Variants in CSMD1 observed in about 807,000 individuals in gnomAD.
CSMD1 encodes the protein CUB and sushi domain-containing protein 1.
In CSMD1, 213 loss-of-function variants were observed where a neutral mutation model predicts 417.5. The observed-to-expected ratio is 0.51, with a 90% CI of 0.46 to 0.57. The LOEUF is 0.57. Among genes scored for constraint, CSMD1 ranks in the 20% least tolerant of loss-of-function variants. CSMD1 has a pLI of 0.00. For synonymous variants in CSMD1, 2,862 were observed against 1,736.8 expected (o/e 1.65, Z -16.11); for missense variants, 6,923 against 4,529.7 (o/e 1.53, Z -15.17).
At chr8:3,078,042 A>G (rs543027236) in intron 49 of CSMD1, among the ~76,000 whole-genome samples, 5 of 152,270 alleles carry the variant, frequency 3.3e-5, no homozygotes, top group Admixed American at 2.0e-4. Context: ...TGAGTATTCC[A>G]TGTCAGGTTT....
chr8:4,248,202 T>A (rs1277129466), intron 3 of CSMD1, among the ~76,000 whole-genome samples: 1 of 152,174 alleles, frequency 6.6e-6, no homozygotes, highest in African/African-American at 2.4e-5. Flanking sequence ...TGACATGACA[T>A]GACATGCCAT....
At position 4,266,207 on chromosome 8, in the gene CSMD1, T is replaced by C. The variant is rs575947858; in HGVS notation, c.415+153746A>G. On this transcript the variant is annotated intron_variant, in intron 3 of 69. Transcript: ENST00000635120. The stretch of plus-strand genomic sequence containing the variant: ...ACCAAGTTGGAGGTTTTTTACGTTA[T>C]TTTTTCTAAGTGGAATGGTAACACA... 1.9e-4 allele frequency among the ~76,000 whole-genome samples: 20 copies of C among 104,998 alleles called. 7 individuals are homozygous for C. The highest frequency in any genetic ancestry group is 1.0e-3 in the Admixed American group (11 of 11,042). 68.9% of individuals were successfully genotyped at this position (104,998 alleles called of 152,430 possible).
intron 5 of CSMD1, among the ~76,000 whole-genome samples, chr8:3,896,473 A>G (rs948506545): frequency 6.6e-6 from 1 of 152,074 alleles, no homozygotes. Context: ...AATTCAATAA[A>G]AGGCTACCAA....
intron 49 of CSMD1, among the ~76,000 whole-genome samples, chr8:3,072,505 G>T (rs1393127241): frequency 6.6e-6 from 1 of 152,150 alleles, no homozygotes; most frequent in East Asian, 1.9e-4. Context: ...GTTCCACCAA[G>T]CTTGTCATGT....
At chr8:3,035,237 G>A (rs1810594722) in intron 50 of CSMD1, among the ~76,000 whole-genome samples, 2 of 152,146 alleles carry the variant, frequency 1.3e-5, no homozygotes, top group South Asian at 2.1e-4. Context: ...ACTGCAGAGC[G>A]CGGCTGCTCC....
intron 8 of CSMD1, among the ~76,000 whole-genome samples, chr8:3,594,508 C>T (rs1469282238): frequency 2.0e-5 from 3 of 152,096 alleles, no homozygotes; most frequent in Admixed American, 2.0e-4. Flanking sequence ...CAGACAATTG[C>T]ATATAACTTG....
chr8:3,653,243 T>G (rs1287853250), intron 7 of CSMD1, among the ~76,000 whole-genome samples: 1 of 152,124 alleles, frequency 6.6e-6, no homozygotes, highest in Non-Finnish European at 1.5e-5. Flanking sequence ...TTGTCTCATA[T>G]AAATATCAAA....
chr8:3,887,594 T>A (rs559935051), intron 5 of CSMD1, among the ~76,000 whole-genome samples: 2 of 152,280 alleles, frequency 1.3e-5, no homozygotes, highest in South Asian at 4.1e-4. Context: ...GAAATTATGT[T>A]TTAAAGCTCC....
intron 2 of CSMD1, among the ~76,000 whole-genome samples, chr8:4,523,937 T>C (rs941021920): frequency 6.6e-6 from 1 of 152,132 alleles, no homozygotes. Context: ...CTCAATGCTC[T>C]GTGAAAGTCC....
chr8:3,946,031 G>A (rs192466832), intron 5 of CSMD1, among the ~76,000 whole-genome samples: 170 of 152,236 alleles, frequency 1.1e-3, no homozygotes, highest in South Asian at 4.6e-3. Context: ...ATTCTACGAT[G>A]TAGGCGCTAC....
chr8:3,487,184 G>C (rs13258300), intron 11 of CSMD1, among the ~76,000 whole-genome samples: 6,503 of 143,434 alleles, frequency 0.045, 137 homozygotes, highest in Middle Eastern at 0.076. Flanking sequence ...AGTGATTGAT[G>C]TATTATCAGC....
chr8:4,008,529 A>C (rs958206093), intron 4 of CSMD1, among the ~76,000 whole-genome samples: 138 of 150,854 alleles, frequency 9.1e-4, no homozygotes, highest in Admixed American at 7.9e-4. Flanking sequence ...TTATTGTTGA[A>C]AGTTACAGAT....
rs141748777 is a variant in CSMD1, at chr8:4,460,389, C to G, written c.303-40324G>C. On this transcript the variant is annotated intron_variant, in intron 2 of 69. Coordinates refer to ENST00000635120, the MANE Select transcript of CSMD1 (RefSeq NM_033225.6). ...ATAACTATATTTAAAAAGAAAAAATCTTACATAAATAGCCTCACCTTCCAC... is the reference window on the plus strand; with the variant it reads ...ATAACTATATTTAAAAAGAAAAAATGTTACATAAATAGCCTCACCTTCCAC... Among the ~76,000 whole-genome samples, 14 of 152,050 alleles carry G rather than the reference C, an allele frequency of 9.2e-5. No homozygotes were observed. The East Asian group carries it at 2.7e-3, about 29-fold the overall frequency.
At chr8:4,828,782 C>A (rs1385193144) in intron 1 of CSMD1, among the ~76,000 whole-genome samples, 3 of 152,108 alleles carry the variant, frequency 2.0e-5, no homozygotes, top group Non-Finnish European at 4.4e-5. Context: ...AGTTTCTTTA[C>A]CCTTAAAATC....
At chr8:4,272,628 G>T (rs753855698) in intron 3 of CSMD1, among the ~76,000 whole-genome samples, 23 of 152,238 alleles carry the variant, frequency 1.5e-4, no homozygotes, top group Non-Finnish European at 2.8e-4. Flanking sequence ...GTTGAATTAG[G>T]TGAGAAATAA....
intron 7 of CSMD1, among the ~76,000 whole-genome samples, chr8:3,652,504 C>G (rs932100357): frequency 6.6e-6 from 1 of 152,150 alleles, no homozygotes; most frequent in African/African-American, 2.4e-5. Flanking sequence ...ATAAAGGAAG[C>G]GGATTAATGG....
In CSMD1 at chr8:4,299,959, T is replaced by C. The variant is rs558400708; in HGVS notation, c.415+119994A>G. 2.6e-5 allele frequency among the ~76,000 whole-genome samples: 4 copies of C among 152,280 alleles called. No individual in the cohort carries two copies. In the South Asian group the frequency reaches 8.3e-4, roughly 32 times the overall value. On this transcript the variant is annotated intron_variant, in intron 3 of 69. Coordinates refer to ENST00000635120, the MANE Select transcript of CSMD1 (RefSeq NM_033225.6). ...ACTATTTTTCAAGTTATAAATACTA[T>C]TTGTTGATAATAGCTATTAGAATTT...
intron 11 of CSMD1, among the ~76,000 whole-genome samples, chr8:3,472,556 AGAT>A (rs1817167486): frequency 6.6e-6 from 1 of 151,986 alleles, no homozygotes; most frequent in South Asian, 2.1e-4. Flanking sequence ...TGCACAAGAA[AGAT>A]GATGAAGAAC....
At chr8:3,891,960 A>T (rs1807000810) in intron 5 of CSMD1, among the ~76,000 whole-genome samples, 1 of 152,194 alleles carries the variant, frequency 6.6e-6, no homozygotes, top group Admixed American at 6.5e-5. Context: ...TCCAGCGTCC[A>T]AAAGCACAGC....
Sources: gnomAD v4.1 joint callset for allele counts (sites outside exome capture counted in the v4.1 genomes callset) on GRCh38, gnomAD v4.1.1 for gene constraint, MANE v1.5 for transcripts, NCBI Gene and HGNC (gene_info 2026-07-23, HGNC 2026-07-21) for gene names.